CACNA2D4: variants seen among roughly 807,000 people sequenced by gnomAD.
CACNA2D4 encodes the protein calcium voltage-gated channel auxiliary subunit alpha2delta 4.
Under a neutral mutation model 163.8 loss-of-function variants are expected in CACNA2D4, and 157 were observed. The ratio of observed to expected loss-of-function variants is 0.96; its 90% CI spans 0.84 to 1.09. CACNA2D4 has a LOEUF of 1.09. Ranked by LOEUF, CACNA2D4 falls within the 50% of genes least tolerant of loss-of-function variation. The pLI is 0.00. For synonymous variants in CACNA2D4, 598 were observed against 586.9 expected (o/e 1.02, Z -0.27); for missense variants, 1,410 against 1,479.9 (o/e 0.95, Z 0.78).
intron 26 of CACNA2D4, among the ~76,000 whole-genome samples, chr12:1,816,929 A>G (rs111970351): frequency 0.028 from 4,203 of 152,322 alleles, 186 homozygotes; most frequent in African/African-American, 0.095. Context: ...GTACACACAC[A>G]TGCACATACA....
chr12:1,795,103 A>G, intron 37 of CACNA2D4, 196 bp downstream of exon 37: 2 of 599,768 alleles, frequency 3.3e-6, no homozygotes, highest in Non-Finnish European at 5.9e-6. Flanking sequence ...GAATCAGGAC[A>G]AAGACTAAAT....
intron 18 of CACNA2D4, among the ~76,000 whole-genome samples, chr12:1,871,956 G>T (rs1307237785): frequency 2.0e-5 from 3 of 152,210 alleles, no homozygotes; most frequent in South Asian, 2.1e-4. Flanking sequence ...TTGCTCTTCT[G>T]CTTTCTTCTT....
chr12:1,860,264 A>G (rs958199440), intron 18 of CACNA2D4, 58 bp from the exon 19 acceptor site: 2 of 1,395,004 alleles, frequency 1.4e-6, no homozygotes, highest in Admixed American at 1.7e-5. Flanking sequence ...CCCAGCCCCC[A>G]CCTCGCCCCC....
intron 26 of CACNA2D4, among the ~76,000 whole-genome samples, chr12:1,817,918 G>C (rs1184985789): frequency 1.3e-5 from 2 of 152,026 alleles, no homozygotes; most frequent in African/African-American, 4.8e-5. Context: ...CGTCTGGGAA[G>C]TGAGGAGCGT....
At chr12:1,884,922 C>T in intron 10 of CACNA2D4, 41 bp from the exon 11 acceptor site, 1 of 1,598,278 alleles carries the variant, frequency 6.3e-7, no homozygotes, top group Non-Finnish European at 8.6e-7. Flanking sequence ...CAGGCCAAGC[C>T]CACCCCCCTC....
intron 6 of CACNA2D4, among the ~76,000 whole-genome samples, chr12:1,901,757 C>T (rs571012315): frequency 6.6e-6 from 1 of 151,908 alleles, no homozygotes; most frequent in Non-Finnish European, 1.5e-5. Context: ...CTGAATTTTA[C>T]CAAAAATTTA....
In CACNA2D4 at chr12:1,840,720, C is replaced by G; in HGVS notation, c.2551+19G>C. ...TGTCCCCAGCTTCCTGGCCTCAACA[C>G]CACAAGGGCCGTTCCTACCTGCAGC... On this transcript the variant is annotated intron_variant, in intron 26 of 37. Coordinates refer to ENST00000382722, the MANE Select transcript of CACNA2D4 (RefSeq NM_172364.5). 1.2e-6 allele frequency: 2 copies of G among 1,609,700 alleles called. No homozygotes were observed. Among genetic ancestry groups the G allele is most frequent in the Non-Finnish European group, 1.7e-6 (2 of 1,176,246 alleles).
chr12:1,889,582 C>T (rs894231354), intron 6 of CACNA2D4, among the ~76,000 whole-genome samples: 4 of 99,798 alleles, frequency 4.0e-5, no homozygotes, highest in African/African-American at 7.6e-5. Flanking sequence ...CCTCAGCCGC[C>T]CCCCCCAGTA....
intron 6 of CACNA2D4, among the ~76,000 whole-genome samples, chr12:1,892,460 T>C (rs1456252578): frequency 6.6e-6 from 1 of 151,944 alleles, no homozygotes; most frequent in African/African-American, 2.4e-5. Flanking sequence ...TGAAAACACA[T>C]GAAAGTATAA....
intron 12 of CACNA2D4, chr12:1,884,005 A>G (rs1866070731): frequency 5.8e-6 from 3 of 516,270 alleles, no homozygotes; most frequent in South Asian, 3.5e-5. Flanking sequence ...GAGCAGAACC[A>G]GAGTCCATGG....
chr12:1,844,322 C>T lies in CACNA2D4; in HGVS notation c.2470+80G>A, dbSNP rs547251328. The T allele has an allele frequency of 2.6e-6, 4 of 1,518,510 alleles. No individual in the cohort carries two copies. Among genetic ancestry groups the T allele is most frequent in the Admixed American group, 3.7e-5 (2 of 54,260 alleles). The allele number at this position is 1,518,510 out of a possible 1,614,324, so 94.1% of individuals were successfully genotyped here. A position where few individuals can be genotyped will look rare whatever the true frequency, so the allele number is the denominator to read the frequency against. ...TCTATTCCATATCTCGTTCCCATTTCCCACTAAGAGCACAGCAGGAGGAGA... is the reference window on the plus strand; with the variant it reads ...TCTATTCCATATCTCGTTCCCATTTTCCACTAAGAGCACAGCAGGAGGAGA... On this transcript the variant is annotated intron_variant, in intron 25 of 37. Transcript: ENST00000382722. The surrounding 1 kb of genome is among the most constrained non-coding windows in gnomAD (Gnocchi z 4.2).
In CACNA2D4 at chr12:1,834,387, C is replaced by G; in HGVS notation, c.2551+6352G>C. 6.2e-7 allele frequency: 1 copy of G among 1,613,176 alleles called. No individual in the cohort carries two copies. Among genetic ancestry groups the G allele is most frequent in the Non-Finnish European group, 8.5e-7 (1 of 1,180,016 alleles). ...CAGCTGGAGGACGAGAATAGCTCAG[C>G]TGGGCTGGATATTCCTGGGCCACCC... On this transcript the variant is annotated intron_variant, in intron 26 of 37. Coordinates refer to ENST00000382722, the MANE Select transcript of CACNA2D4 (RefSeq NM_172364.5). The surrounding 1 kb of genome is among the most constrained non-coding windows in gnomAD (Gnocchi z 7.6).
intron 6 of CACNA2D4, among the ~76,000 whole-genome samples, chr12:1,897,484 C>T (rs1428011706): frequency 1.3e-5 from 2 of 152,142 alleles, no homozygotes; most frequent in African/African-American, 4.8e-5. Context: ...CAAAATATTA[C>T]ATATTCCCAT....
At chr12:1,886,723 A>G (rs1423867539) in intron 7 of CACNA2D4, among the ~76,000 whole-genome samples, 3 of 152,180 alleles carry the variant, frequency 2.0e-5, no homozygotes, top group Admixed American at 2.0e-4. Context: ...AGGGGTGTGG[A>G]AGGAGAGGAG....
At chr12:1,891,057 G>C (rs547735328) in intron 6 of CACNA2D4, among the ~76,000 whole-genome samples, 1 of 152,174 alleles carries the variant, frequency 6.6e-6, no homozygotes, top group Admixed American at 6.5e-5. Flanking sequence ...GGGACTGAAA[G>C]CCTGCCCAAC....
chr12:1,884,165 C>T (rs765245881), intron 12 of CACNA2D4, 78 bp downstream of exon 12: 70 of 1,337,262 alleles, frequency 5.2e-5, no homozygotes, highest in Non-Finnish European at 6.1e-5. Flanking sequence ...AGCCCGTGCT[C>T]AGCACTTCCA....
intron 5 of CACNA2D4, 76 bp from the exon 6 acceptor site, chr12:1,907,647 TGGTGGGCGTGTC>T (rs1261492112): frequency 1.1e-6 from 1 of 927,380 alleles, no homozygotes; most frequent in East Asian, 1.2e-4. Context: ...TGAGGGTGCC[TGGTGGGCGTGTC>T]TGGTGGGCGT....
Position 1,798,141 on chromosome 12 carries a change from C to T in CACNA2D4, c.2996-606G>A, listed in dbSNP as rs1418079478. Among the ~76,000 whole-genome samples the T allele has an allele frequency of 1.3e-5, 2 of 152,196 alleles. No individual in the cohort carries two copies. Among genetic ancestry groups the T allele is most frequent in the African/African-American group, 4.8e-5 (2 of 41,454 alleles). ...ACTCCTCGGGGGCTGCGCGATTTGCCTTAGCTCCCTGGGACAAGGACAGTG... is the reference window on the plus strand; with the variant it reads ...ACTCCTCGGGGGCTGCGCGATTTGCTTTAGCTCCCTGGGACAAGGACAGTG... On this transcript the variant is annotated intron_variant, in intron 34 of 37. Transcript: ENST00000382722. This position sits in a 1 kb window ranked among gnomAD's most constrained non-coding sequence, Gnocchi z 4.3.
rs1864489399 is a variant in CACNA2D4 at position 1,828,899 on chromosome 12, AAGGGACC to A, written c.2551+11833_2551+11839del. ...CTGAGAATTCTCTTTATATGTGGCA[AAGGGACC>A]AGGTCAGCAAGGGCTGGTCTGCCCA... On this transcript the variant is annotated intron_variant, in intron 26 of 37. Transcript: ENST00000382722. This position sits in a 1 kb window ranked among gnomAD's most constrained non-coding sequence, Gnocchi z 4.2. 6.6e-6 allele frequency among the ~76,000 whole-genome samples: 1 copy of A among 152,194 alleles called. No individual in the cohort carries two copies. The highest frequency in any genetic ancestry group is 6.5e-5 in the Admixed American group (1 of 15,292).
Sources: gnomAD v4.1 joint callset for allele counts (sites outside exome capture counted in the v4.1 genomes callset) on GRCh38, gnomAD v4.1.1 for gene constraint, Gnocchi (gnomAD v3.1) non-coding constraint, MANE v1.5 for transcripts, NCBI Gene and HGNC (gene_info 2026-07-23, HGNC 2026-07-21) for gene names.